The following OSBP2 variants were observed in gnomAD, a reference collection of about 807,000 sequenced individuals.
OSBP2 encodes the protein oxysterol binding protein 2.
In OSBP2, 66 loss-of-function variants were observed where a neutral mutation model predicts 96.0. The ratio of observed to expected loss-of-function variants is 0.69; its 90% CI spans 0.56 to 0.84. The LOEUF is 0.84. Ranked by LOEUF, OSBP2 falls within the 40% of genes least tolerant of loss-of-function variation. The probability of loss-of-function intolerance (pLI) is 0.00; values close to 1 mark genes in which losing one functional copy is unlikely to be tolerated. For synonymous variants in OSBP2, 525 were observed against 520.9 expected (o/e 1.01, Z -0.11); for missense variants, 1,038 against 1,222.7 (o/e 0.85, Z 2.25).
intron 2 of OSBP2, among the ~76,000 whole-genome samples, chr22:30,797,218 T>G (rs2090777163): frequency 6.6e-6 from 1 of 152,264 alleles, no homozygotes; most frequent in Non-Finnish European, 1.5e-5. Flanking sequence ...ACTGTATGGA[T>G]AGACTACATT....
At chr22:30,746,403 A>C (rs1368279409) in intron 2 of OSBP2, among the ~76,000 whole-genome samples, 2 of 151,434 alleles carry the variant, frequency 1.3e-5, no homozygotes, top group African/African-American at 4.9e-5. Context: ...CAGCCTGAGC[A>C]GTGGAGTGAG....
chr22:30,750,739 T>TTTTTTG (rs903840081), intron 2 of OSBP2, among the ~76,000 whole-genome samples: 16 of 152,220 alleles, frequency 1.1e-4, no homozygotes, highest in African/African-American at 3.1e-4. Context: ...TAACTCTTTG[T>TTTTTTG]TTTTTGTTTT....
chr22:30,838,849 A>T (rs1324438351), intron 2 of OSBP2, among the ~76,000 whole-genome samples: 2 of 150,628 alleles, frequency 1.3e-5, no homozygotes, highest in African/African-American at 4.9e-5. Context: ...TTTTATTATT[A>T]TTATACTTTA....
intron 2 of OSBP2, among the ~76,000 whole-genome samples, chr22:30,848,899 A>G (rs2038923049): frequency 6.6e-6 from 1 of 152,188 alleles, no homozygotes; most frequent in South Asian, 2.1e-4. Flanking sequence ...TTTCATGGAC[A>G]TATGTTTTTA....
At position 30,783,602 on chromosome 22, in the gene OSBP2, G is replaced by A. The variant is rs8139482; in HGVS notation, c.853+42233G>A. ...CTCCCAAAGTGCTGGTATTACTGAC[G>A]TGAGCCACTACGCCAGGCCAGAGAG... On this transcript the variant is annotated intron_variant, in intron 2 of 13. Transcript: ENST00000332585. Among the ~76,000 whole-genome samples the A allele has an allele frequency of 8.9e-3, 1,353 of 152,084 alleles. 17 individuals are homozygous for A. Among genetic ancestry groups the A allele is most frequent in the African/African-American group, 0.03 (1,242 of 41,468 alleles).
intron 2 of OSBP2, among the ~76,000 whole-genome samples, chr22:30,776,743 C>T (rs953352058): frequency 4.6e-5 from 7 of 152,122 alleles, no homozygotes; most frequent in Admixed American, 3.3e-4. Context: ...GTTTACACTC[C>T]CCTTGGCAGA....
At position 30,695,037 on chromosome 22, in the gene OSBP2, C is replaced by T. The variant is rs2089000215; in HGVS notation, c.128C>T (p.Thr43Met). The T allele has an allele frequency of 1.3e-6, 2 of 1,589,222 alleles. No individual in the cohort carries two copies. The highest frequency in any genetic ancestry group is 1.3e-5 in the African/African-American group (1 of 74,142). ...GCGGCGCCGGGCATGAGCGCTTCCA[C>T]GTCCGGCTCCGGGCCGGAGCCCAAG... ...HTAAPGMSASTSGSGPEPKPQ... is the reference protein window; with the variant it reads ...HTAAPGMSASMSGSGPEPKPQ... Residue 43 changes from threonine to methionine, a missense_variant, in exon 1 of 14, where the codon ACG becomes ATG. Around this residue, in one of 3 missense-constraint regions of OSBP2, gnomAD observed 281 missense variants for 273.4 expected, o/e 1.03. Transcript: ENST00000332585.
chr22:30,794,942 GCT>G (rs961257191), intron 2 of OSBP2, among the ~76,000 whole-genome samples: 28 of 142,922 alleles, frequency 2.0e-4, no homozygotes, highest in Non-Finnish European at 3.6e-4. Flanking sequence ...ACAGAGTCTC[GCT>G]CTGTCACCCA....
chr22:30,743,962 G>A (rs1288485731), intron 2 of OSBP2, among the ~76,000 whole-genome samples: 1 of 152,180 alleles, frequency 6.6e-6, no homozygotes, highest in Non-Finnish European at 1.5e-5. Flanking sequence ...TTCCTTCATT[G>A]TATGAGATGC....
chr22:30,727,331 C>T (rs1056499794), intron 1 of OSBP2, among the ~76,000 whole-genome samples: 7 of 152,184 alleles, frequency 4.6e-5, no homozygotes, highest in Non-Finnish European at 1.0e-4. Context: ...TGCCCTCTGA[C>T]ATGCCTTCTG....
chr22:30,763,594 C>T (rs769036840), intron 2 of OSBP2, among the ~76,000 whole-genome samples: 50 of 147,616 alleles, frequency 3.4e-4, no homozygotes, highest in Non-Finnish European at 5.6e-4. Flanking sequence ...TGCAGTGAGC[C>T]GAGATTGAGC....
At chr22:30,853,700 T>C (rs1424096224) in intron 2 of OSBP2, among the ~76,000 whole-genome samples, 1 of 152,208 alleles carries the variant, frequency 6.6e-6, no homozygotes, top group African/African-American at 2.4e-5. Flanking sequence ...TTTTCCTCCA[T>C]TCCTGTTGTT....
chr22:30,789,162 G>A (rs766435942), intron 2 of OSBP2, among the ~76,000 whole-genome samples: 1 of 152,184 alleles, frequency 6.6e-6, no homozygotes, highest in Non-Finnish European at 1.5e-5. Flanking sequence ...AGATGAATAG[G>A]AAATGCTTGC....
intron 2 of OSBP2, among the ~76,000 whole-genome samples, chr22:30,744,963 A>G (rs755394458): frequency 2.7e-4 from 41 of 152,226 alleles, no homozygotes; most frequent in Admixed American, 1.4e-3. Flanking sequence ...GATTGAGACT[A>G]TATGAAGTAT....
At chr22:30,761,144 C>T (rs77904468) in intron 2 of OSBP2, among the ~76,000 whole-genome samples, 1,692 of 152,186 alleles carry the variant, frequency 0.011, 77 homozygotes, top group Admixed American at 0.079. Flanking sequence ...GTCAAAGGCA[C>T]TCAGATTGGG....
At chr22:30,855,131 C>A (rs892875222) in intron 2 of OSBP2, among the ~76,000 whole-genome samples, 2 of 152,204 alleles carry the variant, frequency 1.3e-5, no homozygotes, top group Non-Finnish European at 2.9e-5. Flanking sequence ...GGGGACACAG[C>A]CAAACCATAT....
At chr22:30,867,911 CA>C in intron 2 of OSBP2, among the ~76,000 whole-genome samples, 1 of 152,352 alleles carries the variant, frequency 6.6e-6, no homozygotes, top group South Asian at 2.1e-4. Flanking sequence ...AGCCGGGGGC[CA>C]TTCTGATGGA....
chr22:30,825,350 T>C (rs1387050875), intron 2 of OSBP2, among the ~76,000 whole-genome samples: 2 of 152,142 alleles, frequency 1.3e-5, no homozygotes, highest in Non-Finnish European at 2.9e-5. Context: ...TAGCCCAGCA[T>C]GGTGGCGTAT....
chr22:30,803,933 TCA>T (rs1434076494), intron 2 of OSBP2, among the ~76,000 whole-genome samples: 4 of 152,162 alleles, frequency 2.6e-5, no homozygotes, highest in Non-Finnish European at 5.9e-5. Flanking sequence ...CAGTTCAGGG[TCA>T]CGCTGGGCAA....
Sources: gnomAD v4.1 joint callset for allele counts (sites outside exome capture counted in the v4.1 genomes callset) on GRCh38, gnomAD v4.1.1 for gene constraint, gnomAD v4.1.1 regional missense constraint, MANE v1.5 for transcripts, NCBI Gene and HGNC (gene_info 2026-07-23, HGNC 2026-07-21) for gene names.